Variants in TMEM243 observed in about 807,000 individuals in gnomAD.
TMEM243 encodes the protein transmembrane protein 243.
In TMEM243, 20 loss-of-function variants were observed where a neutral mutation model predicts 15.0. The ratio of observed to expected loss-of-function variants is 1.33; its 90% CI spans 0.94 to 1.93. The LOEUF (loss-of-function observed/expected upper bound fraction) is 1.93. Ranked by LOEUF, TMEM243 falls within the 30% of genes most tolerant of loss-of-function variation. The pLI is 0.00. For missense variants in TMEM243, 156 were observed against 142.1 expected (o/e 1.10, Z -0.50); for synonymous variants, 72 against 52.7 (o/e 1.37, Z -1.59).
At position 87,198,011 on chromosome 7, in the gene TMEM243, A is replaced by G; in HGVS notation, c.164T>C (p.Leu55Pro). Residue 55 changes from leucine to proline, a missense_variant, in exon 3 of 4, where the codon CTA becomes CCA. By Grantham distance (98) the Leu-to-Pro change is moderately conservative. Transcript: ENST00000257637. ...GAATATATTCAACGGTTTTGGAGGT[A>G]GTTGAGGGAAAACAAAAGCACTTAT... is the stretch of plus-strand genomic sequence containing the variant. ...TLISAFVFPQ[L>P]PPKPLNIFFA... The G allele has an allele frequency of 6.2e-7, 1 of 1,612,784 alleles. No individual in the cohort carries two copies. The highest frequency in any genetic ancestry group is 8.5e-7 in the Non-Finnish European group (1 of 1,179,156).
Position 87,196,543 on chromosome 7 carries a change from C to T in TMEM243, c.*93G>A, listed in dbSNP as rs1219616123. The T allele has an allele frequency of 4.1e-6, 5 of 1,229,250 alleles. No homozygotes were observed. The highest frequency in any genetic ancestry group is 4.6e-6 in the Non-Finnish European group (4 of 874,276). The allele number at this position is 1,229,250 out of a possible 1,614,324, so 76.1% of individuals were successfully genotyped here. A position where few individuals can be genotyped will look rare whatever the true frequency, so the allele number is the denominator to read the frequency against. On this transcript the variant is annotated 3_prime_UTR_variant, in exon 4 of 4. Coordinates refer to ENST00000257637, the MANE Select transcript of TMEM243 (RefSeq NM_024315.4). ...ATGAAAATCATGTATCAGACTTCTG[C>T]AGGAGATTCTTCAGCATACCTTATC...
chr7:87,205,094 T>A (rs1488397162), intron 1 of TMEM243, among the ~76,000 whole-genome samples: 2 of 152,240 alleles, frequency 1.3e-5, no homozygotes, highest in Non-Finnish European at 2.9e-5. Context: ...CCTTGGCCCC[T>A]TTTAGCCATG....
chr7:87,218,314 C>T (rs1803252931), intron 1 of TMEM243, among the ~76,000 whole-genome samples: 1 of 152,202 alleles, frequency 6.6e-6, no homozygotes, highest in Admixed American at 6.5e-5. Flanking sequence ...GGTGCATCTT[C>T]CTGGAGATCG....
In TMEM243 at chr7:87,196,506, T is replaced by G; in HGVS notation, c.*130A>C. 3 of 948,982 alleles carry G rather than the reference T, an allele frequency of 3.2e-6. No individual in the cohort carries two copies. The highest frequency in any genetic ancestry group is 4.7e-6 in the Non-Finnish European group (3 of 637,848). 58.8% of individuals were successfully genotyped at this position (948,982 alleles called of 1,614,324 possible). On this transcript the variant is annotated 3_prime_UTR_variant, in exon 4 of 4. Transcript: ENST00000257637. ...TCTCCCTTGCAAGAGGGAATTAACA[T>G]TTACAATTAACATGAAAATCATGTA...
At chr7:87,207,069 C>A (rs1189927355) in intron 1 of TMEM243, among the ~76,000 whole-genome samples, 2 of 152,222 alleles carry the variant, frequency 1.3e-5, no homozygotes, top group Non-Finnish European at 2.9e-5. Context: ...CTAACAGATA[C>A]CTCCCAGGCT....
At chr7:87,211,462 G>C (rs1182534562) in intron 1 of TMEM243, among the ~76,000 whole-genome samples, 1 of 152,124 alleles carries the variant, frequency 6.6e-6, no homozygotes, top group Non-Finnish European at 1.5e-5. Flanking sequence ...CTACAATTTT[G>C]CCTCCAAAGT....
intron 1 of TMEM243, among the ~76,000 whole-genome samples, chr7:87,217,267 A>G (rs1289322689): frequency 6.6e-6 from 1 of 152,188 alleles, no homozygotes; most frequent in Non-Finnish European, 1.5e-5. Flanking sequence ...TCCACTGTGA[A>G]GTGGCTATTG....
intron 1 of TMEM243, among the ~76,000 whole-genome samples, chr7:87,213,704 C>T (rs1251157568): frequency 6.6e-6 from 1 of 152,144 alleles, no homozygotes; most frequent in African/African-American, 2.4e-5. Context: ...TTTGCAGAGG[C>T]CAAATGCTCC....
chr7:87,196,414 T>C lies in TMEM243; in HGVS notation c.*222A>G. The C allele has an allele frequency of 2.3e-6, 1 of 428,682 alleles. No homozygotes were observed. The allele number at this position is 428,682 out of a possible 1,614,324, so 26.6% of individuals were successfully genotyped here. A position where few individuals can be genotyped will look rare whatever the true frequency, so the allele number is the denominator to read the frequency against. On this transcript the variant is annotated 3_prime_UTR_variant, in exon 4 of 4. Coordinates refer to ENST00000257637, the MANE Select transcript of TMEM243 (RefSeq NM_024315.4). ...GAAATTTTTTTGTGCTGTTTTAGCT[T>C]TAAGGGTTGGAATGTTTAGGTGCAA... is the stretch of plus-strand genomic sequence containing the variant.
At chr7:87,213,287 T>TA (rs113154080) in intron 1 of TMEM243, among the ~76,000 whole-genome samples, 1,639 of 152,282 alleles carry the variant, frequency 0.011, 29 homozygotes, top group African/African-American at 0.037. Flanking sequence ...AGAGAAAACT[T>TA]AGAGTACTAA....
At chr7:87,198,113 C>T in intron 2 of TMEM243, 68 bp from the exon 3 acceptor site, 1 of 1,338,102 alleles carries the variant, frequency 7.5e-7, no homozygotes, top group South Asian at 1.3e-5. Context: ...CAACTGGAGT[C>T]TAGGCAACAG....
At chr7:87,201,228 T>A (rs1465401043) in intron 1 of TMEM243, among the ~76,000 whole-genome samples, 2 of 152,200 alleles carry the variant, frequency 1.3e-5, no homozygotes, top group African/African-American at 4.8e-5. Flanking sequence ...TGAATTCAGG[T>A]ATGCAGAGTT....
intron 1 of TMEM243, among the ~76,000 whole-genome samples, chr7:87,218,912 T>G (rs190617083): frequency 2.0e-5 from 3 of 152,290 alleles, no homozygotes; most frequent in Admixed American, 1.3e-4. Context: ...AGGGACCCCT[T>G]GATCACTTCC....
chr7:87,198,975 G>T, intron 2 of TMEM243, 32 bp downstream of exon 2: 1 of 1,567,962 alleles, frequency 6.4e-7, no homozygotes, highest in Non-Finnish European at 8.6e-7. Flanking sequence ...CTGGCTAAGA[G>T]CCTGGGTGAG....
At chr7:87,219,916 A>G (rs1435910918), upstream of TMEM243, among the ~76,000 whole-genome samples, 5 of 152,130 alleles carry the variant, frequency 3.3e-5, no homozygotes, top group African/African-American at 9.7e-5. Context: ...GCCCCGGGAG[A>G]GACTCCCACA....
At chr7:87,200,378 A>G (rs1432735390) in intron 1 of TMEM243, among the ~76,000 whole-genome samples, 1 of 152,216 alleles carries the variant, frequency 6.6e-6, no homozygotes, top group East Asian at 1.9e-4. Context: ...CCCAGGGACA[A>G]GTCACCACTC....
intron 3 of TMEM243, among the ~76,000 whole-genome samples, chr7:87,197,227 C>T (rs1315687749): frequency 6.6e-6 from 1 of 151,990 alleles, no homozygotes; most frequent in Non-Finnish European, 1.5e-5. Context: ...AGTTCTTCTT[C>T]GGGTCATGGG....
chr7:87,212,675 C>T (rs977192698), intron 1 of TMEM243, among the ~76,000 whole-genome samples: 14 of 152,304 alleles, frequency 9.2e-5, no homozygotes, highest in South Asian at 2.1e-4. Flanking sequence ...TGATATCTAG[C>T]ATATCCAGGT....
intron 1 of TMEM243, among the ~76,000 whole-genome samples, chr7:87,213,643 T>C (rs1353973850): frequency 1.3e-5 from 2 of 152,236 alleles, no homozygotes; most frequent in Admixed American, 1.3e-4. Context: ...TGTTCTTAAA[T>C]AAGCGACAAC....
Sources: allele counts gnomAD v4.1 joint callset (sites outside exome capture counted in the v4.1 genomes callset), GRCh38; gene constraint gnomAD v4.1.1; transcripts MANE v1.5; gene names NCBI Gene and HGNC (gene_info 2026-07-23, HGNC 2026-07-21).